Variants in KAZN observed in about 807,000 individuals in gnomAD.
KAZN encodes the protein kazrin.
Under a neutral mutation model 87.4 loss-of-function variants are expected in KAZN, and 40 were observed. The observed-to-expected ratio is 0.46, with a 90% CI of 0.36 to 0.60. The LOEUF is 0.60. Among genes scored for constraint, KAZN ranks in the 20% least tolerant of loss-of-function variants. KAZN has a pLI of 0.00. For synonymous variants in KAZN, 466 were observed against 458.3 expected, an observed-to-expected ratio of 1.02 and a Z score of -0.22; for missense variants, 898 against 1,073.9, an observed-to-expected ratio of 0.84 and a Z score of 2.29.
chr1:14,935,085 G>T (rs1660294300), intron 1 of KAZN, among the ~76,000 whole-genome samples: 1 of 152,274 alleles, frequency 6.6e-6, no homozygotes, highest in Middle Eastern at 3.4e-3. Context: ...GCCCTCCTGG[G>T]TGCACCAGCG....
At chr1:15,037,268 C>G (rs1672435148) in intron 3 of KAZN, among the ~76,000 whole-genome samples, 1 of 152,222 alleles carries the variant, frequency 6.6e-6, no homozygotes, top group Non-Finnish European at 1.5e-5. Flanking sequence ...GAGAACCAGC[C>G]CATAGCCTTC....
At chr1:14,566,975 C>T (rs1674583440) in intron 2 of KAZN, among the ~76,000 whole-genome samples, 1 of 152,224 alleles carries the variant, frequency 6.6e-6, no homozygotes, top group African/African-American at 2.4e-5. Context: ...CATGTGTCCA[C>T]TGGAGTTGGC....
chr1:14,730,326 C>A (rs976749984), intron 1 of KAZN, among the ~76,000 whole-genome samples: 4 of 152,188 alleles, frequency 2.6e-5, no homozygotes, highest in Non-Finnish European at 5.9e-5. Context: ...TTGTAATCCG[C>A]CCGCCTCGGC....
chr1:14,848,351 C>T (rs1027256629), intron 1 of KAZN, among the ~76,000 whole-genome samples: 1 of 152,196 alleles, frequency 6.6e-6, no homozygotes, highest in African/African-American at 2.4e-5. Context: ...CTGGTCTCAG[C>T]CTGAGTTCTA....
intron 2 of KAZN, among the ~76,000 whole-genome samples, chr1:14,589,452 A>G (rs1165512554): frequency 1.3e-5 from 2 of 152,178 alleles, no homozygotes; most frequent in Non-Finnish European, 2.9e-5. Context: ...CTCCCTTCCA[A>G]TTATGCATAC....
intron 8 of KAZN, among the ~76,000 whole-genome samples, chr1:15,093,037 G>A (rs544292843): frequency 6.6e-5 from 10 of 151,884 alleles, no homozygotes; most frequent in South Asian, 6.2e-4. Context: ...GCCCAAAGAC[G>A]ACTGCCGCTG....
chr1:13,938,537 A>G (rs749615839), intron 1 of KAZN, among the ~76,000 whole-genome samples: 1 of 152,004 alleles, frequency 6.6e-6, no homozygotes, highest in Non-Finnish European at 1.5e-5. Context: ...TTCATTCCTG[A>G]TTTCTCTAGC....
At chr1:14,786,604 C>T (rs2100669631) in intron 1 of KAZN, among the ~76,000 whole-genome samples, 1 of 152,240 alleles carries the variant, frequency 6.6e-6, no homozygotes, top group East Asian at 1.9e-4. Flanking sequence ...CCTAGAAAGG[C>T]CACGGCTCTG....
At position 15,031,427 on chromosome 1, in the gene KAZN, G is replaced by A. The variant is rs936421612; in HGVS notation, c.419-3322G>A. Among the ~76,000 whole-genome samples, 5 of 152,234 alleles carry A rather than the reference G, an allele frequency of 3.3e-5. No individual in the cohort carries two copies. In the South Asian group the frequency reaches 1.0e-3, roughly 31 times the overall value. On this transcript the variant is annotated intron_variant, in intron 2 of 14. Coordinates refer to ENST00000376030, the MANE Select transcript of KAZN (RefSeq NM_201628.3). ...CGGAGTGCTAGGGGTCTGGGCAAAG[G>A]CCGTGGAGCCCACCCTGCAGTCAGA...
At chr1:15,022,864 G>A (rs1670826430) in intron 2 of KAZN, among the ~76,000 whole-genome samples, 2 of 152,150 alleles carry the variant, frequency 1.3e-5, no homozygotes, top group South Asian at 4.1e-4. Context: ...GGATGGTCCT[G>A]GGTCCCTCAG....
At chr1:14,264,673 T>C in intron 2 of KAZN, among the ~76,000 whole-genome samples, 1 of 152,304 alleles carries the variant, frequency 6.6e-6, no homozygotes, top group Non-Finnish European at 1.5e-5. Flanking sequence ...TTCAGCACTG[T>C]GAGAAGTAAA....
intron 1 of KAZN, among the ~76,000 whole-genome samples, chr1:14,114,730 G>C (rs941232277): frequency 1.3e-5 from 2 of 152,174 alleles, no homozygotes; most frequent in African/African-American, 4.8e-5. Flanking sequence ...ATGACACACT[G>C]TCATTCTAGA....
intron 2 of KAZN, among the ~76,000 whole-genome samples, chr1:14,198,636 C>T (rs920006787): frequency 5.3e-5 from 8 of 151,992 alleles, no homozygotes; most frequent in Non-Finnish European, 4.4e-5. Flanking sequence ...ATGGTTGGGG[C>T]AATTGCGGAA....
chr1:14,611,869 T>C (rs915553885), intron 1 of KAZN, among the ~76,000 whole-genome samples: 1 of 152,198 alleles, frequency 6.6e-6, no homozygotes, highest in East Asian at 1.9e-4. Flanking sequence ...GGCCAAATAA[T>C]AAATAGTTTA....
At chr1:15,102,652 A>G (rs939259980) in intron 11 of KAZN, among the ~76,000 whole-genome samples, 1 of 152,212 alleles carries the variant, frequency 6.6e-6, no homozygotes, top group Non-Finnish European at 1.5e-5. Flanking sequence ...TCAACCACCC[A>G]CTGAAAAGCA....
rs116051354 is a variant in KAZN at position 14,343,681 on chromosome 1, G to A, written c.249+163089G>A. Among the ~76,000 whole-genome samples, 886 of 152,246 alleles carry A rather than the reference G, an allele frequency of 5.8e-3. 8 individuals carry two copies. Among genetic ancestry groups the A allele is most frequent in the African/African-American group, 0.02 (826 of 41,540 alleles). ...TCAGACTGGAACCCGAAATCAATAC[G>A]AAACTGAATTTTGTGCCTAAAATGG... On this transcript the variant is annotated intron_variant, in intron 2 of 16. Transcript: ENST00000636203.
intron 1 of KAZN, among the ~76,000 whole-genome samples, chr1:14,053,682 A>C (rs745533449): frequency 7.9e-5 from 12 of 152,204 alleles, no homozygotes; most frequent in Non-Finnish European, 1.6e-4. Context: ...GAAAACAGTG[A>C]AAATTGTTTT....
chr1:13,937,499 T>A (rs1309509382), intron 1 of KAZN, among the ~76,000 whole-genome samples: 1 of 152,264 alleles, frequency 6.6e-6, no homozygotes, highest in Non-Finnish European at 1.5e-5. Context: ...GTTGATTATT[T>A]CTTTTGCTAT....
At chr1:14,982,636 G>C (rs561307008) in intron 2 of KAZN, among the ~76,000 whole-genome samples, 5 of 152,154 alleles carry the variant, frequency 3.3e-5, no homozygotes, top group Non-Finnish European at 7.4e-5. Flanking sequence ...CATATTGGCT[G>C]TTCTGGTCTC....
Sources: gnomAD v4.1 joint callset for allele counts (sites outside exome capture counted in the v4.1 genomes callset) on GRCh38, gnomAD v4.1.1 for gene constraint, MANE v1.5 for transcripts, NCBI Gene and HGNC (gene_info 2026-07-23, HGNC 2026-07-21) for gene names.